The following TMEM135 variants were observed in gnomAD, a reference collection of about 807,000 sequenced individuals.
TMEM135 encodes the protein transmembrane protein 135.
In TMEM135, 30 loss-of-function variants were observed where a neutral mutation model predicts 60.3. The ratio of observed to expected loss-of-function variants is 0.50; its 90% CI spans 0.37 to 0.68. The LOEUF is 0.68. Ranked by LOEUF, TMEM135 falls within the 30% of genes least tolerant of loss-of-function variation. The probability of loss-of-function intolerance (pLI) is 0.00; values close to 1 mark genes in which losing one functional copy is unlikely to be tolerated. For missense variants in TMEM135, 468 were observed against 548.8 expected, an observed-to-expected ratio of 0.85 and a Z score of 1.47; for synonymous variants, 190 against 186.7, an observed-to-expected ratio of 1.02 and a Z score of -0.14.
At chr11:87,177,420 A>T (rs1939403158) in intron 5 of TMEM135, among the ~76,000 whole-genome samples, 3 of 152,194 alleles carry the variant, frequency 2.0e-5, no homozygotes, top group Admixed American at 6.6e-5. Context: ...GAAATACATG[A>T]TTATTATAAC....
At chr11:87,066,402 T>C (rs1406317958) in intron 1 of TMEM135, among the ~76,000 whole-genome samples, 1 of 152,328 alleles carries the variant, frequency 6.6e-6, no homozygotes, top group African/African-American at 2.4e-5. Context: ...CTTTCTATTA[T>C]ATTACTAACA....
intron 4 of TMEM135, among the ~76,000 whole-genome samples, chr11:87,134,133 T>G (rs1172185570): frequency 6.6e-6 from 1 of 152,168 alleles, no homozygotes; most frequent in Non-Finnish European, 1.5e-5. Flanking sequence ...GTTCTAGATC[T>G]AGAAGTCTGG....
intron 5 of TMEM135, among the ~76,000 whole-genome samples, chr11:87,199,480 C>G (rs1940045305): frequency 6.6e-6 from 1 of 152,186 alleles, no homozygotes; most frequent in African/African-American, 2.4e-5. Context: ...TGTCAATGAA[C>G]CTGACTGAGC....
intron 10 of TMEM135, among the ~76,000 whole-genome samples, chr11:87,312,301 A>G (rs1233354121): frequency 2.0e-5 from 3 of 151,534 alleles, no homozygotes; most frequent in Non-Finnish European, 4.4e-5. Context: ...TTTATAATAT[A>G]CATTTTTAAT....
chr11:87,226,595 C>T (rs1940768698), intron 5 of TMEM135, among the ~76,000 whole-genome samples: 1 of 152,098 alleles, frequency 6.6e-6, no homozygotes, highest in South Asian at 2.1e-4. Context: ...TTACAGAAGA[C>T]AAGATGCAAC....
In TMEM135 at chr11:87,327,998, T is replaced by A. The variant is rs1417753410; in HGVS notation, c.*6665T>A. 2.2e-6 allele frequency: 1 copy of A among 454,012 alleles called. No homozygotes were observed. The highest frequency in any genetic ancestry group is 4.4e-6 in the Non-Finnish European group (1 of 226,774). The allele number at this position is 454,012 out of a possible 1,614,324, so 28.1% of individuals were successfully genotyped here. A position where few individuals can be genotyped will look rare whatever the true frequency, so the allele number is the denominator to read the frequency against. On this transcript the variant is annotated 3_prime_UTR_variant, in exon 15 of 15. Coordinates refer to ENST00000305494, the MANE Select transcript of TMEM135 (RefSeq NM_022918.4). Reference sequence around the variant, plus strand: ...GTCCACGCTAACTCACATGCCAATCTCCTCTGGAAACACCCTCACAGACAC... The same window carrying A: ...GTCCACGCTAACTCACATGCCAATCACCTCTGGAAACACCCTCACAGACAC...
chr11:87,068,783 C>T (rs892928261), intron 2 of TMEM135, among the ~76,000 whole-genome samples: 4 of 142,464 alleles, frequency 2.8e-5, no homozygotes, highest in African/African-American at 8.0e-5. Context: ...TGCACTCCAG[C>T]TTGGGGGACA....
chr11:87,262,992 C>G (rs183179117), intron 6 of TMEM135, among the ~76,000 whole-genome samples: 67 of 147,706 alleles, frequency 4.5e-4, no homozygotes, highest in African/African-American at 1.7e-3. Flanking sequence ...GCATTCAACT[C>G]AGTTTTCATG....
At chr11:87,077,077 T>C (rs1298449704) in intron 3 of TMEM135, among the ~76,000 whole-genome samples, 1 of 152,250 alleles carries the variant, frequency 6.6e-6, no homozygotes, top group East Asian at 1.9e-4. Context: ...CTACAATCAA[T>C]GTCCAAAACT....
At chr11:87,146,744 C>T (rs898070445) in intron 4 of TMEM135, among the ~76,000 whole-genome samples, 7 of 152,074 alleles carry the variant, frequency 4.6e-5, no homozygotes, top group African/African-American at 7.2e-5. Flanking sequence ...AGTGTTTTCA[C>T]GTATATTAAT....
intron 5 of TMEM135, among the ~76,000 whole-genome samples, chr11:87,208,335 G>T (rs1473106370): frequency 2.0e-5 from 3 of 152,160 alleles, no homozygotes; most frequent in Admixed American, 6.5e-5. Flanking sequence ...AATGATCCAA[G>T]ATTTGAAGAC....
chr11:87,163,918 A>T (rs1938962880), intron 5 of TMEM135, among the ~76,000 whole-genome samples: 1 of 148,196 alleles, frequency 6.7e-6, no homozygotes. Context: ...GTTTGAATTC[A>T]TTGTAGATTC....
chr11:87,184,019 A>T (rs1032465335), intron 5 of TMEM135, among the ~76,000 whole-genome samples: 7 of 151,092 alleles, frequency 4.6e-5, no homozygotes, highest in African/African-American at 1.7e-4. Flanking sequence ...TTGTTCTAAG[A>T]GCACGTTCAG....
intron 10 of TMEM135, among the ~76,000 whole-genome samples, chr11:87,312,038 C>T (rs1942648035): frequency 6.6e-6 from 1 of 151,642 alleles, no homozygotes; most frequent in South Asian, 2.1e-4. Flanking sequence ...CTGATCATCT[C>T]TGTCTTCTAA....
intron 1 of TMEM135, among the ~76,000 whole-genome samples, chr11:87,058,944 TTTTG>T (rs1268501665): frequency 4.6e-5 from 7 of 151,974 alleles, no homozygotes; most frequent in African/African-American, 1.4e-4. Context: ...AATTTAATTT[TTTTG>T]TTTGTTTGAG....
intron 6 of TMEM135, among the ~76,000 whole-genome samples, chr11:87,246,924 C>T (rs775188316): frequency 2.2e-5 from 3 of 136,240 alleles, no homozygotes; most frequent in African/African-American, 5.5e-5. Context: ...GGAGGAGCGG[C>T]ACTCTGCTTT....
At chr11:87,059,586 G>C (rs910400127) in intron 1 of TMEM135, among the ~76,000 whole-genome samples, 1 of 152,128 alleles carries the variant, frequency 6.6e-6, no homozygotes, top group Non-Finnish European at 1.5e-5. Flanking sequence ...AAAGTTCTGG[G>C]ATTACAGGCA....
intron 5 of TMEM135, among the ~76,000 whole-genome samples, chr11:87,198,413 A>G (rs771513436): frequency 6.6e-6 from 1 of 152,186 alleles, no homozygotes; most frequent in Non-Finnish European, 1.5e-5. Context: ...GAACAAAACA[A>G]AGTCAGCAAC....
Position 87,309,791 on chromosome 11 carries a change from T to C in TMEM135, c.936+119T>C, listed in dbSNP as rs568458364. ...CTTCTTTCTGGAATATTCATACATATCTTGACATAACCAAATCTATACAAT... is the reference window on the plus strand; with the variant it reads ...CTTCTTTCTGGAATATTCATACATACCTTGACATAACCAAATCTATACAAT... On this transcript the variant is annotated intron_variant, in intron 10 of 14. Coordinates refer to ENST00000305494, the MANE Select transcript of TMEM135 (RefSeq NM_022918.4). 1,211 of 1,116,238 alleles carry C rather than the reference T, an allele frequency of 1.1e-3. 18 individuals carry two copies. The South Asian group carries it at 0.016, about 15-fold the overall frequency. 69.1% of individuals were successfully genotyped at this position (1,116,238 alleles called of 1,614,324 possible). A position where few individuals can be genotyped will look rare whatever the true frequency, so the allele number is the denominator to read the frequency against.
Sources: allele counts gnomAD v4.1 joint callset (sites outside exome capture counted in the v4.1 genomes callset), GRCh38; gene constraint gnomAD v4.1.1; transcripts MANE v1.5; gene names NCBI Gene and HGNC (gene_info 2026-07-23, HGNC 2026-07-21).